The following ALK variants were observed in gnomAD, a reference collection of about 807,000 sequenced individuals.
The protein encoded by ALK is ALK receptor tyrosine kinase, also known as ALK tyrosine kinase receptor.
A neutral mutation model predicts 163.1 loss-of-function variants in ALK; 74 were observed. The observed-to-expected ratio is 0.45, with a 90% CI of 0.38 to 0.55. The LOEUF is 0.55. Ranked by LOEUF, ALK falls within the 20% of genes least tolerant of loss-of-function variation. The pLI, the probability that ALK is intolerant of heterozygous loss-of-function variation, is 0.00. For missense variants in ALK, 2,063 were observed against 2,105.3 expected (o/e 0.98, Z 0.39); for synonymous variants, 960 against 843.2 (o/e 1.14, Z -2.40).
chr2:29,665,569 G>A (rs1677488472), intron 3 of ALK, among the ~76,000 whole-genome samples: 2 of 152,010 alleles, frequency 1.3e-5, no homozygotes, highest in Admixed American at 6.6e-5. Context: ...GTACCAGGCT[G>A]TGAGTTCTTG....
At chr2:29,771,489 C>T (rs1681021591) in intron 1 of ALK, among the ~76,000 whole-genome samples, 1 of 152,152 alleles carries the variant, frequency 6.6e-6, no homozygotes, top group Non-Finnish European at 1.5e-5. Flanking sequence ...GGAGTGATGT[C>T]TTCCAAAATC....
chr2:29,472,217 G>A (rs898636334), intron 4 of ALK, among the ~76,000 whole-genome samples: 3 of 152,244 alleles, frequency 2.0e-5, no homozygotes, highest in East Asian at 3.8e-4. Context: ...TCAACCACCA[G>A]AAGTGTGAGT....
intron 26 of ALK, among the ~76,000 whole-genome samples, chr2:29,203,512 T>TTTTTTTTTG (rs869138004): frequency 1.6e-5 from 2 of 127,626 alleles, no homozygotes; most frequent in Admixed American, 8.0e-5. Context: ...TTTTTTTTTT[T>TTTTTTTTTG]GTGAGACAGA....
At chr2:29,555,547 C>T (rs1673829352) in intron 3 of ALK, among the ~76,000 whole-genome samples, 1 of 152,146 alleles carries the variant, frequency 6.6e-6, no homozygotes, top group African/African-American at 2.4e-5. Context: ...CTGTTCTCTC[C>T]ACCCCTGCCC....
intron 5 of ALK, among the ~76,000 whole-genome samples, chr2:29,343,367 T>A (rs1452264402): frequency 7.4e-6 from 1 of 134,692 alleles, no homozygotes; most frequent in Admixed American, 8.0e-5. Flanking sequence ...TGTCACTGCA[T>A]CTGGCTAAGT....
chr2:29,679,763 C>G (rs1321100898), intron 3 of ALK, among the ~76,000 whole-genome samples: 1 of 151,678 alleles, frequency 6.6e-6, no homozygotes, highest in Admixed American at 6.6e-5. Context: ...TTATATTAAC[C>G]CATATGTTTA....
chr2:29,351,563 A>G (rs961311835), intron 5 of ALK, among the ~76,000 whole-genome samples: 1 of 152,186 alleles, frequency 6.6e-6, no homozygotes, highest in Non-Finnish European at 1.5e-5. Flanking sequence ...ACCAATTACT[A>G]GACTGGCCAC....
intron 1 of ALK, among the ~76,000 whole-genome samples, chr2:29,881,359 C>G (rs1666860057): frequency 6.6e-6 from 1 of 152,178 alleles, no homozygotes; most frequent in South Asian, 2.1e-4. Context: ...AGGCTATTAT[C>G]ATTAATTATG....
chr2:29,775,977 A>C (rs1681164388), intron 1 of ALK, among the ~76,000 whole-genome samples: 1 of 152,238 alleles, frequency 6.6e-6, no homozygotes, highest in South Asian at 2.1e-4. Flanking sequence ...TACTAGGGTA[A>C]CATCTGGAAG....
chr2:29,233,040 G>A lies in ALK; in HGVS notation c.2487+525C>T, dbSNP rs145492016. ...AGTAGGATGGCAAAGGCTGTGCATGGTGAAATTGGGCTGATGTATCAGTAA... is the reference window on the plus strand; with the variant it reads ...AGTAGGATGGCAAAGGCTGTGCATGATGAAATTGGGCTGATGTATCAGTAA... On this transcript the variant is annotated intron_variant, in intron 14 of 28. Transcript: ENST00000389048. 3.2e-3 allele frequency among the ~76,000 whole-genome samples: 488 copies of A among 152,306 alleles called. 4 individuals are homozygous for A. Among genetic ancestry groups the A allele is most frequent in the African/African-American group, 0.011 (465 of 41,560 alleles).
chr2:29,463,981 A>G (rs980208977), intron 4 of ALK, among the ~76,000 whole-genome samples: 5 of 152,236 alleles, frequency 3.3e-5, no homozygotes, highest in African/African-American at 1.2e-4. Flanking sequence ...GGATTAAATT[A>G]GTCCCACAAT....
At chr2:29,691,908 G>A (rs1298789837) in intron 3 of ALK, among the ~76,000 whole-genome samples, 1 of 152,098 alleles carries the variant, frequency 6.6e-6, no homozygotes, top group Non-Finnish European at 1.5e-5. Context: ...ACTTGTCCCT[G>A]TCTCTTGATC....
chr2:29,207,180 G>A lies in ALK; in HGVS notation c.3929C>T (p.Thr1310Ile), dbSNP rs1060500226. 3 of 1,613,404 alleles carry A rather than the reference G, an allele frequency of 1.9e-6. No individual in the cohort carries two copies. Among genetic ancestry groups the A allele is most frequent in the Non-Finnish European group, 2.5e-6 (3 of 1,179,374 alleles). Residue 1310 changes from threonine to isoleucine, a missense_variant, in exon 26 of 29, where the codon ACA becomes ATA. Coordinates refer to ENST00000389048, the MANE Select transcript of ALK (RefSeq NM_004304.5). Reference protein sequence around the residue: ...AFMEGIFTSKTDTWSFGVLLW... With the variant: ...AFMEGIFTSKIDTWSFGVLLW... ...ATGATGGCTGACTTACCATGTGTCTGTTTTAGAAGTGAATATTCCTTCCAT... is the reference window on the plus strand; with the variant it reads ...ATGATGGCTGACTTACCATGTGTCTATTTTAGAAGTGAATATTCCTTCCAT...
At chr2:29,267,502 C>A (rs1210066345) in intron 11 of ALK, among the ~76,000 whole-genome samples, 1 of 152,194 alleles carries the variant, frequency 6.6e-6, no homozygotes, top group Non-Finnish European at 1.5e-5. Context: ...TTGGCCTCCT[C>A]ATCTTTTGTG....
At chr2:29,912,549 G>C (rs1372222006) in intron 1 of ALK, among the ~76,000 whole-genome samples, 1 of 152,058 alleles carries the variant, frequency 6.6e-6, no homozygotes, top group Non-Finnish European at 1.5e-5. Flanking sequence ...ACCTCTTTAG[G>C]CTGAAGGGAA....
At chr2:29,289,218 AG>A (rs1665952314) in intron 9 of ALK, among the ~76,000 whole-genome samples, 1 of 152,200 alleles carries the variant, frequency 6.6e-6, no homozygotes, top group Non-Finnish European at 1.5e-5. Flanking sequence ...CAAGAGGCAC[AG>A]GCCATGGGCT....
intron 1 of ALK, among the ~76,000 whole-genome samples, chr2:29,916,873 C>G (rs1024060548): frequency 6.6e-6 from 1 of 152,174 alleles, no homozygotes; most frequent in Non-Finnish European, 1.5e-5. Context: ...TTGGGCTGTC[C>G]TGGGAGAGGC....
chr2:29,534,334 T>C (rs998411473), intron 3 of ALK, among the ~76,000 whole-genome samples: 1 of 152,198 alleles, frequency 6.6e-6, no homozygotes, highest in Non-Finnish European at 1.5e-5. Context: ...ATTACTGTTG[T>C]AAGCAAAGGC....
At chr2:29,750,713 A>C (rs12995312) in intron 1 of ALK, among the ~76,000 whole-genome samples, 4,198 of 95,068 alleles carry the variant, frequency 0.044, 131 homozygotes, top group Middle Eastern at 0.095. Flanking sequence ...GGCAGGCAGG[A>C]AGGAAGGAAG....
Sources: gnomAD v4.1 joint callset for allele counts (sites outside exome capture counted in the v4.1 genomes callset) on GRCh38, gnomAD v4.1.1 for gene constraint, MANE v1.5 for transcripts, NCBI Gene and HGNC (gene_info 2026-07-23, HGNC 2026-07-21) for gene names.